The following PLXDC2 variants were observed in gnomAD, a reference collection of about 807,000 sequenced individuals.
PLXDC2 encodes the protein plexin domain containing 2.
In PLXDC2, 40 loss-of-function variants were observed where a neutral mutation model predicts 68.9. That is an observed-to-expected ratio of 0.58 (90% CI 0.45 to 0.76). The LOEUF is 0.76. PLXDC2 is among the 30% of genes least tolerant of loss of function. The pLI, the probability that PLXDC2 is intolerant of heterozygous loss-of-function variation, is 0.00. For missense variants in PLXDC2, 644 were observed against 661.9 expected (o/e 0.97, Z 0.30); for synonymous variants, 243 against 234.2 (o/e 1.04, Z -0.34).
At chr10:20,204,688 C>CA (rs1356189019) in intron 9 of PLXDC2, among the ~76,000 whole-genome samples, 1 of 152,130 alleles carries the variant, frequency 6.6e-6, no homozygotes, top group Non-Finnish European at 1.5e-5. Flanking sequence ...AAATATGACC[C>CA]ACTTTCTGGT....
At chr10:20,238,668 T>TATATGTATATATATATATATACACACAC (rs1554777535) in intron 12 of PLXDC2, among the ~76,000 whole-genome samples, 14 of 96,758 alleles carry the variant, frequency 1.4e-4, no homozygotes, top group Admixed American at 2.1e-4. Flanking sequence ...AAAAAATATA[T>TATATGTATATATATATATATACACACAC]ATATATATGT....
chr10:19,958,133 T>C (rs1834100173), intron 1 of PLXDC2, among the ~76,000 whole-genome samples: 1 of 152,040 alleles, frequency 6.6e-6, no homozygotes, highest in South Asian at 2.1e-4. Context: ...AATTGTTGTT[T>C]CTATGTATAT....
chr10:20,057,610 G>A (rs563773195), intron 3 of PLXDC2, among the ~76,000 whole-genome samples: 78 of 152,078 alleles, frequency 5.1e-4, no homozygotes, highest in African/African-American at 1.7e-3. Flanking sequence ...TGCTGGAGGT[G>A]CTCTGTTAAA....
intron 7 of PLXDC2, among the ~76,000 whole-genome samples, chr10:20,171,425 A>C (rs1024649789): frequency 5.3e-5 from 8 of 152,202 alleles, no homozygotes; most frequent in Non-Finnish European, 1.0e-4. Context: ...TCTCAAGTAT[A>C]CACTAGCTCA....
intron 13 of PLXDC2, among the ~76,000 whole-genome samples, chr10:20,264,838 AAAAT>A (rs1159490049): frequency 2.0e-5 from 3 of 152,104 alleles, no homozygotes; most frequent in Non-Finnish European, 4.4e-5. Context: ...AAGCAAAAGA[AAAAT>A]AAGCCACAAA....
At position 20,001,870 on chromosome 10, in the gene PLXDC2, G is replaced by T; in HGVS notation, c.208G>T (p.Asp70Tyr). ...CAGCCACAGGTGGAAAAGAAACTTGGACTTTCTCAAGGCGGTAGACACGAA... is the reference window on the plus strand; with the variant it reads ...CAGCCACAGGTGGAAAAGAAACTTGTACTTTCTCAAGGCGGTAGACACGAA... Reference protein sequence around the residue: ...AYSHRWKRNLDFLKAVDTNRA... With the variant: ...AYSHRWKRNLYFLKAVDTNRA... Residue 70 changes from aspartate to tyrosine, a missense_variant, in exon 2 of 14, where the codon GAC (aspartate) becomes TAC (tyrosine). Asp to Tyr is a radical substitution (Grantham distance 160). This residue lies in a region of PLXDC2 where 201 missense variants were observed against 166.9 expected (regional missense o/e 1.20). Transcript: ENST00000377252. The T allele has an allele frequency of 6.2e-7, 1 of 1,614,018 alleles. No individual in the cohort carries two copies. The highest frequency in any genetic ancestry group is 8.5e-7 in the Non-Finnish European group (1 of 1,180,008).
chr10:20,058,762 A>C (rs749573437), intron 3 of PLXDC2, among the ~76,000 whole-genome samples: 1 of 152,178 alleles, frequency 6.6e-6, no homozygotes, highest in Non-Finnish European at 1.5e-5. Context: ...AAAACATCAC[A>C]ACCTTCAGGT....
chr10:20,101,125 G>A (rs1833416395), intron 4 of PLXDC2, among the ~76,000 whole-genome samples: 1 of 152,220 alleles, frequency 6.6e-6, no homozygotes, highest in Middle Eastern at 3.4e-3. Context: ...AGTATTGATG[G>A]CATCTGGTTT....
At chr10:20,148,607 C>G (rs1834109954) in intron 6 of PLXDC2, among the ~76,000 whole-genome samples, 1 of 152,002 alleles carries the variant, frequency 6.6e-6, no homozygotes, top group Admixed American at 6.5e-5. Flanking sequence ...TAAGTAAGGC[C>G]TGTTGGACTA....
chr10:19,872,644 G>A (rs1422267885), intron 1 of PLXDC2, among the ~76,000 whole-genome samples: 14 of 152,174 alleles, frequency 9.2e-5, no homozygotes, highest in Admixed American at 9.2e-4. Context: ...CAGAGGGAGA[G>A]GGGTGTTAGC....
intron 12 of PLXDC2, among the ~76,000 whole-genome samples, chr10:20,220,827 T>C (rs910159639): frequency 6.9e-6 from 1 of 145,912 alleles, no homozygotes. Flanking sequence ...CTCCACTCCT[T>C]GCTCTTAACA....
intron 3 of PLXDC2, among the ~76,000 whole-genome samples, chr10:20,061,383 G>C (rs187529480): frequency 2.6e-5 from 4 of 152,216 alleles, no homozygotes; most frequent in Non-Finnish European, 5.9e-5. Flanking sequence ...CTTGCTTTAT[G>C]ATTAAATGTA....
chr10:19,835,372 C>T (rs977111727), intron 1 of PLXDC2, among the ~76,000 whole-genome samples: 2 of 152,148 alleles, frequency 1.3e-5, no homozygotes, highest in African/African-American at 4.8e-5. Context: ...GTGATGCAGG[C>T]TTCAGATAAG....
At chr10:20,237,606 G>A (rs1349472239) in intron 12 of PLXDC2, among the ~76,000 whole-genome samples, 1 of 152,202 alleles carries the variant, frequency 6.6e-6, no homozygotes, top group African/African-American at 2.4e-5. Context: ...GCTTTAGCTT[G>A]TAAATGGGTT....
intron 1 of PLXDC2, among the ~76,000 whole-genome samples, chr10:19,841,129 C>G (rs333693): frequency 6.6e-6 from 1 of 151,938 alleles, no homozygotes; most frequent in Non-Finnish European, 1.5e-5. Flanking sequence ...TCCTTCTCTT[C>G]AAATCTTACA....
At chr10:20,149,419 A>G (rs1031355715) in intron 6 of PLXDC2, among the ~76,000 whole-genome samples, 1 of 151,154 alleles carries the variant, frequency 6.6e-6, no homozygotes, top group African/African-American at 2.4e-5. Context: ...TTGTATTTTT[A>G]GTAGAGACGG....
chr10:20,023,792 A>G (rs1835352981), intron 2 of PLXDC2, among the ~76,000 whole-genome samples: 1 of 152,180 alleles, frequency 6.6e-6, no homozygotes, highest in Admixed American at 6.6e-5. Context: ...AAACCCTGCA[A>G]ATTATTTGAT....
chr10:19,999,628 C>T (rs773632326), intron 1 of PLXDC2, among the ~76,000 whole-genome samples: 7 of 152,102 alleles, frequency 4.6e-5, no homozygotes, highest in South Asian at 2.1e-4. Flanking sequence ...AGGGGTGTAA[C>T]TTGCTAAGAG....
intron 4 of PLXDC2, among the ~76,000 whole-genome samples, chr10:20,125,709 T>C (rs563364718): frequency 1.3e-5 from 2 of 152,162 alleles, no homozygotes; most frequent in Non-Finnish European, 2.9e-5. Context: ...ATATTTGTGT[T>C]GTTTCGAGCA....
Sources: gnomAD v4.1 joint callset for allele counts (sites outside exome capture counted in the v4.1 genomes callset) on GRCh38, gnomAD v4.1.1 for gene constraint, gnomAD v4.1.1 regional missense constraint, MANE v1.5 for transcripts, NCBI Gene and HGNC (gene_info 2026-07-23, HGNC 2026-07-21) for gene names.